The following TAOK2 variants were observed in gnomAD, a reference collection of about 807,000 sequenced individuals.
TAOK2 encodes the protein serine/threonine-protein kinase TAO2.
Under a neutral mutation model 122.5 loss-of-function variants are expected in TAOK2, and 42 were observed. The ratio of observed to expected loss-of-function variants is 0.34; its 90% CI spans 0.27 to 0.44. The LOEUF (loss-of-function observed/expected upper bound fraction) is 0.44, where lower values mean the gene tolerates loss of function less well. Among genes scored for constraint, TAOK2 ranks in the 20% least tolerant of loss-of-function variants. TAOK2 has a pLI of 1.00. For missense variants in TAOK2, 1,264 were observed against 1,644.9 expected (o/e 0.77, Z 4.01); for synonymous variants, 704 against 677.6 (o/e 1.04, Z -0.61).
chr16:29,981,356 C>G, intron 8 of TAOK2: 1 of 582,230 alleles, frequency 1.7e-6, no homozygotes, highest in South Asian at 2.2e-5. Flanking sequence ...TATCTGCTCC[C>G]TTTGGCACCT....
At chr16:29,982,685 G>T (rs762955971) in intron 10 of TAOK2, 49 bp from the exon 11 acceptor site, 1 of 1,585,558 alleles carries the variant, frequency 6.3e-7, no homozygotes, top group Non-Finnish European at 8.6e-7. Flanking sequence ...GCTGTGGGTT[G>T]TGGGGGGAAG....
chr16:29,979,435 C>T lies in TAOK2; in HGVS notation c.582C>T (p.Ile194=). The change falls in exon 8 of 16, where the codon ATC becomes ATT. Residue 194 remains isoleucine (I), a synonymous_variant. Coordinates refer to ENST00000308893, the MANE Select transcript of TAOK2 (RefSeq NM_016151.4). This position sits in a 1 kb window ranked among gnomAD's most constrained non-coding sequence, Gnocchi z 4.1. ...GTPYWMAPEV[I]LAMDEGQYDG... is the part of the protein sequence containing the mutation. Reference sequence around the variant, plus strand: ...CTCCTAGGATGGCACCCGAGGTGATCCTGGCCATGGATGAGGGGCAGTACG... The same window carrying T: ...CTCCTAGGATGGCACCCGAGGTGATTCTGGCCATGGATGAGGGGCAGTACG... 2 of 1,586,110 alleles carry T rather than the reference C, an allele frequency of 1.3e-6. No individual in the cohort carries two copies. Among genetic ancestry groups the T allele is most frequent in the Non-Finnish European group, 1.7e-6 (2 of 1,164,020 alleles).
downstream of TAOK2, chr16:29,988,934 G>A (rs552902099): frequency 3.2e-5 from 32 of 985,334 alleles, no homozygotes; most frequent in African/African-American, 3.7e-4. Flanking sequence ...GCTGCTGGCC[G>A]GTTGAACTTG....
downstream of TAOK2, chr16:29,990,729 A>G: frequency 2.6e-6 from 4 of 1,530,520 alleles, no homozygotes; most frequent in Non-Finnish European, 3.5e-6. Flanking sequence ...GGGGCAGGGG[A>G]GGATAGTGGG....
chr16:29,983,209 AGAGGAGGAG>A lies in TAOK2; in HGVS notation c.1149_1157del (p.Glu390_Glu392del). On this transcript the variant is annotated inframe_deletion, in exon 12 of 16. Transcript: ENST00000308893. Reference sequence around the variant, plus strand: ...TAGCAGATGCCTCAGACAACGAGGAAGAGGAGGAGGAGGAGGAGGAAGAGGAGGAGGAGG... The same window carrying A: ...TAGCAGATGCCTCAGACAACGAGGAAGAGGAGGAGGAAGAGGAGGAGGAGG... The A allele has an allele frequency of 2.5e-6, 4 of 1,613,062 alleles. No homozygotes were observed. Among genetic ancestry groups the A allele is most frequent in the East Asian group, 2.2e-5 (1 of 44,858 alleles).
chr16:29,979,279 T>A lies in TAOK2; in HGVS notation c.534T>A (p.Pro178=). The change falls in exon 7 of 16, where the codon CCT becomes CCA. Residue 178 remains proline, a synonymous_variant. Coordinates refer to ENST00000308893, the MANE Select transcript of TAOK2 (RefSeq NM_016151.4). This position sits in a 1 kb window ranked among gnomAD's most constrained non-coding sequence, Gnocchi z 4.1. ...GDFGSASIMA[P]ANSFVGTPYW... is the part of the protein sequence containing the mutation. Reference sequence around the variant, plus strand: ...TTGGTTCTGCGTCCATCATGGCACCTGCCAACTCCTTCGTGGGCACCCCAT... The same window carrying A: ...TTGGTTCTGCGTCCATCATGGCACCAGCCAACTCCTTCGTGGGCACCCCAT... The A allele has an allele frequency of 6.2e-7, 1 of 1,614,164 alleles. No individual in the cohort carries two copies. Among genetic ancestry groups the A allele is most frequent in the South Asian group, 1.1e-5 (1 of 91,084 alleles).
chr16:29,988,176 TC>T lies in TAOK2; in HGVS notation c.*198del. The T allele has an allele frequency of 7.0e-7, 1 of 1,432,662 alleles. No homozygotes were observed. The highest frequency in any genetic ancestry group is 9.1e-7 in the Non-Finnish European group (1 of 1,098,884). 88.7% of individuals were successfully genotyped at this position (1,432,662 alleles called of 1,614,324 possible). Reference sequence around the variant, plus strand: ...GGAGTCCAGCAGTCACTCTGTGTTCTCCTGGCGCTCCTCCCCTAAGTTATTG... The same window carrying T: ...GGAGTCCAGCAGTCACTCTGTGTTCTCTGGCGCTCCTCCCCTAAGTTATTG... On this transcript the variant is annotated 3_prime_UTR_variant, in exon 16 of 16. Transcript: ENST00000308893.
At chr16:29,977,424 T>G (rs137925197) in intron 1 of TAOK2, among the ~76,000 whole-genome samples, 1 of 152,218 alleles carries the variant, frequency 6.6e-6, no homozygotes, top group East Asian at 1.9e-4. Flanking sequence ...TGTTTTATCC[T>G]TGAGGGGAGA....
Position 29,979,019 on chromosome 16 carries a change from AC to A in TAOK2, c.399del (p.His133GlnfsTer15). Reference sequence around the variant, plus strand: ...GAGGTAGAGATCGCAGCTGTGACCCACGGGGCGCTTCAGGGCCTGGCATATC... The same window carrying A: ...GAGGTAGAGATCGCAGCTGTGACCCAGGGGCGCTTCAGGGCCTGGCATATC... ...LQEVEIAAVT[H>X]GALQGLAYLH... is the part of the protein sequence containing the mutation. On this transcript the variant is annotated frameshift_variant, in exon 6 of 16. Coordinates refer to ENST00000308893, the MANE Select transcript of TAOK2 (RefSeq NM_016151.4). LOFTEE classifies it high-confidence loss of function. This position sits in a 1 kb window ranked among gnomAD's most constrained non-coding sequence, Gnocchi z 4.1. 6.2e-7 allele frequency: 1 copy of A among 1,614,104 alleles called. No individual in the cohort carries two copies. Among genetic ancestry groups the A allele is most frequent in the Non-Finnish European group, 8.5e-7 (1 of 1,180,022 alleles).
In TAOK2 at chr16:29,987,987, C is replaced by T. The variant is rs1404478087; in HGVS notation, c.*7C>T. 3 of 1,513,368 alleles carry T rather than the reference C, an allele frequency of 2.0e-6. No individual in the cohort carries two copies. The highest frequency in any genetic ancestry group is 2.6e-5 in the South Asian group (2 of 77,168). 93.7% of individuals were successfully genotyped at this position (1,513,368 alleles called of 1,614,324 possible). On this transcript the variant is annotated 3_prime_UTR_variant, in exon 16 of 16. Transcript: ENST00000308893. ...CCTGCCCCCCTGGAGGTAGCTGACT[C>T]CAGCCCTTCCAGCCCAAATCTAGAG...
Position 29,979,728 on chromosome 16 carries a change from GT to G in TAOK2, c.655+222del. Among the ~76,000 whole-genome samples the G allele has an allele frequency of 6.6e-6, 1 of 152,252 alleles. No homozygotes were observed. The highest frequency in any genetic ancestry group is 2.4e-5 in the African/African-American group (1 of 41,534). ...TCATCTCTTCCTGTCCACTACCCTGGTTCTGAATCTTTTCTTAGTGCCCACC... is the reference window on the plus strand; with the variant it reads ...TCATCTCTTCCTGTCCACTACCCTGGTCTGAATCTTTTCTTAGTGCCCACC... On this transcript the variant is annotated intron_variant, in intron 8 of 15. Coordinates refer to ENST00000308893, the MANE Select transcript of TAOK2 (RefSeq NM_016151.4). This position sits in a 1 kb window ranked among gnomAD's most constrained non-coding sequence, Gnocchi z 4.1.
At chr16:29,980,560 A>C (rs915934862) in intron 8 of TAOK2, 1 of 152,148 alleles carries the variant, frequency 6.6e-6, no homozygotes, top group African/African-American at 2.4e-5. Flanking sequence ...GTGTGTCATG[A>C]ACTCTTCCAC....
chr16:29,977,250 C>T (rs1425312494), intron 1 of TAOK2, among the ~76,000 whole-genome samples: 1 of 152,124 alleles, frequency 6.6e-6, no homozygotes, highest in African/African-American at 2.4e-5. Context: ...GGATTTCCAC[C>T]GCCTCCGGCC....
At position 29,979,142 on chromosome 16, in the gene TAOK2, CT is replaced by C; in HGVS notation, c.450-52del. The stretch of plus-strand genomic sequence containing the variant: ...CACCTGTCACTTAGCTGGGCTGCCC[CT>C]GCCTAGCTTTCTTGAGACACATGTC... On this transcript the variant is annotated intron_variant, in intron 6 of 15. Transcript: ENST00000308893. The surrounding 1 kb of genome is among the most constrained non-coding windows in gnomAD (Gnocchi z 4.1). 2 of 1,613,420 alleles carry C rather than the reference CT, an allele frequency of 1.2e-6. No individual in the cohort carries two copies. The highest frequency in any genetic ancestry group is 1.7e-6 in the Non-Finnish European group (2 of 1,179,388).
rs1171303204 is a variant in TAOK2 at position 29,976,766 on chromosome 16, C to T, written c.-35-972C>T. Among the ~76,000 whole-genome samples the T allele has an allele frequency of 2.0e-5, 3 of 152,192 alleles. 1 individual carries two copies. Among genetic ancestry groups the T allele is most frequent in the Non-Finnish European group, 2.9e-5 (2 of 68,038 alleles). ...ATGGATACAGGCCTAACCGGGGAGC[C>T]GAAGGTCCTGTTCTCTGACCTTGGA... is the stretch of plus-strand genomic sequence containing the variant. On this transcript the variant is annotated intron_variant, in intron 1 of 15. Coordinates refer to ENST00000308893, the MANE Select transcript of TAOK2 (RefSeq NM_016151.4).
At chr16:29,978,227 A>G in intron 3 of TAOK2, 25 bp from the exon 4 acceptor site, 1 of 1,613,726 alleles carries the variant, frequency 6.2e-7, no homozygotes, top group Non-Finnish European at 8.5e-7. Flanking sequence ...AAGCTGGGTA[A>G]CCTCTGCCTA....
rs754049338 is a variant in TAOK2 at position 29,983,132 on chromosome 16, G to C, written c.1060G>C (p.Val354Leu). 11 of 1,614,008 alleles carry C rather than the reference G, an allele frequency of 6.8e-6. No individual in the cohort carries two copies. The Admixed American group carries it at 1.8e-4, about 27-fold the overall frequency. ...GACCAGCCTCGAGAGTAGCCACTCA[G>C]TGCCCAGCATGTCCATCAGCGCCTC... ...TLTSLESSHS[V>L]PSMSISASSQ... Residue 354 changes from valine (V) to leucine (L), a missense_variant, in exon 12 of 16, where the codon GTG becomes CTG. By Grantham distance (32) the Val-to-Leu change is conservative. This residue lies in a region of TAOK2 where 254 missense variants were observed against 503.8 expected (regional missense o/e 0.50). Coordinates refer to ENST00000308893, the MANE Select transcript of TAOK2 (RefSeq NM_016151.4).
In TAOK2 at chr16:29,987,943, G is replaced by A. The variant is rs759740148; in HGVS notation, c.3671G>A (p.Arg1224His). Reference sequence around the variant, plus strand: ...GGGACTCTAGCCGGGCGGAGGTCACGCACCCGCCAGTCCCGGGCCCTGCCC... The same window carrying A: ...GGGACTCTAGCCGGGCGGAGGTCACACACCCGCCAGTCCCGGGCCCTGCCC... ...LPGTLAGRRS[R>H]TRQSRALPPW... Residue 1224 changes from arginine to histidine, a missense_variant, in exon 16 of 16, where the codon CGC (arginine) becomes CAC (histidine). By Grantham distance (29) the Arg-to-His change is conservative. This residue lies in a region of TAOK2 where 824 missense variants were observed against 908.7 expected (regional missense o/e 0.91). Coordinates refer to ENST00000308893, the MANE Select transcript of TAOK2 (RefSeq NM_016151.4). 38 of 1,532,226 alleles carry A rather than the reference G, an allele frequency of 2.5e-5. No individual in the cohort carries two copies. Among genetic ancestry groups the A allele is most frequent in the Non-Finnish European group, 3.0e-5 (34 of 1,145,016 alleles). The allele number at this position is 1,532,226 out of a possible 1,614,324, so 94.9% of individuals were successfully genotyped here. A position where few individuals can be genotyped will look rare whatever the true frequency, so the allele number is the denominator to read the frequency against.
At chr16:29,983,783 GT>G in intron 13 of TAOK2, 119 bp downstream of exon 13, 1 of 1,455,552 alleles carries the variant, frequency 6.9e-7, no homozygotes, top group Non-Finnish European at 9.2e-7. Flanking sequence ...CTCATTTTCT[GT>G]TGCTGGCTCC....
Sources: allele counts gnomAD v4.1 joint callset (sites outside exome capture counted in the v4.1 genomes callset), GRCh38; gene constraint gnomAD v4.1.1; regional missense constraint gnomAD v4.1.1; non-coding constraint Gnocchi (gnomAD v3.1); transcripts MANE v1.5; gene names NCBI Gene and HGNC (gene_info 2026-07-23, HGNC 2026-07-21).